Variants in SMARCB1 observed in about 807,000 individuals in gnomAD.
The protein encoded by SMARCB1 is SWI/SNF related BAF chromatin remodeling complex subunit B1.
Under a neutral mutation model 49.0 loss-of-function variants are expected in SMARCB1, and 5 were observed. That is an observed-to-expected ratio of 0.10 (90% confidence interval 0.05 to 0.21). The LOEUF (loss-of-function observed/expected upper bound fraction) is 0.21. SMARCB1 is among the 10% of genes least tolerant of loss of function. The pLI is 1.00. For synonymous variants in SMARCB1, 201 were observed against 200.1 expected, an observed-to-expected ratio of 1.00 and a Z score of -0.04; for missense variants, 226 against 509.2, an observed-to-expected ratio of 0.44 and a Z score of 5.35.
intron 6 of SMARCB1, among the ~76,000 whole-genome samples, chr22:23,820,018 C>T (rs116629952): frequency 0.014 from 2,150 of 151,956 alleles, 58 homozygotes; most frequent in African/African-American, 0.049. Flanking sequence ...TTAGTAGAGA[C>T]GGGGTCTCAT....
At chr22:23,796,391 G>T (rs1928748923) in intron 3 of SMARCB1, among the ~76,000 whole-genome samples, 1 of 152,170 alleles carries the variant, frequency 6.6e-6, no homozygotes, top group Non-Finnish European at 1.5e-5. Flanking sequence ...CCCGAGACGG[G>T]TCCTGTGGGT....
At position 23,834,203 on chromosome 22, in the gene SMARCB1, C is replaced by T. The variant is rs2146045637; in HGVS notation, c.*23C>T. On this transcript the variant is annotated 3_prime_UTR_variant, in exon 9 of 9. Transcript: ENST00000644036. ...TAACCAGCCCATCAGCACACGGCTC[C>T]CACGGAGCATCTCAGAAGATTGGGC... The T allele has an allele frequency of 6.3e-7, 1 of 1,576,742 alleles. No homozygotes were observed. Among genetic ancestry groups the T allele is most frequent in the South Asian group, 1.2e-5 (1 of 86,092 alleles).
At position 23,816,510 on chromosome 22, in the gene SMARCB1, G is replaced by C. The variant is rs2070456; in HGVS notation, c.629-260G>C. ...ATCTCATGCGCCCACCCAGCTATGA[G>C]TGGAATGAGGGAAGTGTTTATGGCC... On this transcript the variant is annotated intron_variant, in intron 5 of 8. Coordinates refer to ENST00000644036, the MANE Select transcript of SMARCB1 (RefSeq NM_003073.5). 266,626 of 594,908 alleles carry C rather than the reference G, an allele frequency of 0.45. 63,762 individuals carry two copies. Among genetic ancestry groups the C allele is most frequent in the Admixed American group, 0.53 (18,073 of 34,144 alleles). 36.9% of individuals were successfully genotyped at this position (594,908 alleles called of 1,614,324 possible).
chr22:23,792,128 G>A (rs1928420080), intron 2 of SMARCB1: 1 of 542,302 alleles, frequency 1.8e-6, no homozygotes. Flanking sequence ...GAGCGGGCCG[G>A]GGCCAGGACA....
At chr22:23,816,551 G>C in intron 5 of SMARCB1, 1 of 628,742 alleles carries the variant, frequency 1.6e-6, no homozygotes, top group South Asian at 1.8e-5. Context: ...CACCCCCAGG[G>C]CATGGAGCAG....
chr22:23,799,745 C>T (rs1170486719), intron 3 of SMARCB1, among the ~76,000 whole-genome samples: 3 of 135,942 alleles, frequency 2.2e-5, no homozygotes, highest in Non-Finnish European at 3.0e-5. Context: ...AGTGCAGTGG[C>T]GCAATGTTGG....
At chr22:23,817,346 C>T (rs1930258472) in intron 6 of SMARCB1, 1 of 298,372 alleles carries the variant, frequency 3.4e-6, no homozygotes, top group Non-Finnish European at 6.5e-6. Context: ...AAGTTGCAAA[C>T]TGGCCAGTTG....
intron 3 of SMARCB1, among the ~76,000 whole-genome samples, chr22:23,797,528 T>G (rs1329149506): frequency 6.7e-6 from 1 of 149,840 alleles, no homozygotes; most frequent in Non-Finnish European, 1.5e-5. Context: ...GCCAGGATGG[T>G]CTCGATTTCC....
chr22:23,837,301 C>T lies in SMARCB1; in HGVS notation c.*3121C>T. ...CCAAAGCCTTGCACAGAGTGCCAGC[C>T]CCGGGTTGGCCGTGAAGGACAAGCT... On this transcript the variant is annotated 3_prime_UTR_variant, in exon 9 of 9. Coordinates refer to ENST00000644036, the MANE Select transcript of SMARCB1 (RefSeq NM_003073.5). The T allele has an allele frequency of 9.3e-7, 1 of 1,074,444 alleles. No homozygotes were observed. The highest frequency in any genetic ancestry group is 1.4e-6 in the Non-Finnish European group (1 of 740,496). 66.6% of individuals were successfully genotyped at this position (1,074,444 alleles called of 1,614,324 possible).
intron 6 of SMARCB1, among the ~76,000 whole-genome samples, chr22:23,821,403 A>T (rs1377535706): frequency 6.6e-6 from 1 of 150,902 alleles, no homozygotes; most frequent in Non-Finnish European, 1.5e-5. Context: ...GACTCAGAAG[A>T]GCTGGGTATT....
At position 23,837,536 on chromosome 22, in the gene SMARCB1, TG is replaced by T; in HGVS notation, c.*3360del. The T allele has an allele frequency of 9.7e-7, 1 of 1,036,088 alleles. No individual in the cohort carries two copies. Among genetic ancestry groups the T allele is most frequent in the Non-Finnish European group, 1.4e-6 (1 of 718,344 alleles). The allele number at this position is 1,036,088 out of a possible 1,614,324, so 64.2% of individuals were successfully genotyped here. On this transcript the variant is annotated 3_prime_UTR_variant, in exon 9 of 9. Transcript: ENST00000644036. ...CACAGCAGCTGGGAGGGCAGGAAGA[TG>T]GGGATGGAGCCAGGTGTGAGGAGAA...
chr22:23,791,960 G>A (rs1043482742), intron 2 of SMARCB1, 66 bp downstream of exon 2: 20 of 1,549,366 alleles, frequency 1.3e-5, no homozygotes, highest in East Asian at 2.3e-5. Context: ...AAGATAAAAC[G>A]TTTTCACTCC....
In SMARCB1 at chr22:23,836,888, A is replaced by G. The variant is rs2146059343; in HGVS notation, c.*2708A>G. Reference sequence around the variant, plus strand: ...TGGGGGTCACTGCTGCGGGGGTGGCAGATGGGGTCCTGGCTGTTCCTCAGG... The same window carrying G: ...TGGGGGTCACTGCTGCGGGGGTGGCGGATGGGGTCCTGGCTGTTCCTCAGG... On this transcript the variant is annotated 3_prime_UTR_variant, in exon 9 of 9. Coordinates refer to ENST00000644036, the MANE Select transcript of SMARCB1 (RefSeq NM_003073.5). 1 of 1,480,102 alleles carries G rather than the reference A, an allele frequency of 6.8e-7. No individual in the cohort carries two copies. The highest frequency in any genetic ancestry group is 1.8e-4 in the Middle Eastern group (1 of 5,578). The allele number at this position is 1,480,102 out of a possible 1,614,324, so 91.7% of individuals were successfully genotyped here. A position where few individuals can be genotyped will look rare whatever the true frequency, so the allele number is the denominator to read the frequency against.
intron 6 of SMARCB1, chr22:23,824,929 CAG>C (rs2030297595): frequency 2.0e-6 from 1 of 511,014 alleles, no homozygotes; most frequent in East Asian, 3.5e-5. Flanking sequence ...CCCACCAGCA[CAG>C]GGCACAGGGG....
intron 5 of SMARCB1, 73 bp downstream of exon 5, chr22:23,803,495 GC>G: frequency 6.4e-7 from 1 of 1,560,388 alleles, no homozygotes; most frequent in Non-Finnish European, 8.8e-7. Flanking sequence ...CCCGTTTCCT[GC>G]CAGCTGCCTG....
At position 23,787,051 on chromosome 22, in the gene SMARCB1, G is replaced by A; in HGVS notation, c.-119G>A. On this transcript the variant is annotated 5_prime_UTR_variant, in exon 1 of 9. Coordinates refer to ENST00000644036, the MANE Select transcript of SMARCB1 (RefSeq NM_003073.5). ...GAGCCCGGCTGAGGCGCCAGTACCC[G>A]GCCCGGTCCGCATTTCGCCTTCCGG... 4.4e-6 allele frequency: 3 copies of A among 676,818 alleles called. No homozygotes were observed. Among genetic ancestry groups the A allele is most frequent in the Admixed American group, 2.4e-5 (1 of 41,664 alleles). The allele number at this position is 676,818 out of a possible 1,614,324, so 41.9% of individuals were successfully genotyped here.
rs533184210 is a variant in SMARCB1 at position 23,803,331 on chromosome 22, C to T, written c.537C>T (p.Asn179=). Residue 179 remains asparagine, a synonymous_variant, in exon 5 of 9, where the codon AAC becomes AAT. Transcript: ENST00000644036. ...ATGACCCAGCTGTGATCCATGAGAA[C>T]GCATCTCAGCCCGAGGTGCTGGTCC... ...DDHDPAVIHE[N]ASQPEVLVPI... 78 of 1,614,166 alleles carry T rather than the reference C, an allele frequency of 4.8e-5. No individual in the cohort carries two copies. The highest frequency in any genetic ancestry group is 1.1e-4 in the African/African-American group (8 of 75,066).
chr22:23,808,698 C>CT (rs533109746), intron 5 of SMARCB1, among the ~76,000 whole-genome samples: 1,698 of 140,638 alleles, frequency 0.012, 22 homozygotes, highest in African/African-American at 0.028. Flanking sequence ...ATTGGACATT[C>CT]TTTTTTTTTT....
At chr22:23,793,409 G>T in intron 2 of SMARCB1, 150 bp from the exon 3 acceptor site, 1 of 829,816 alleles carries the variant, frequency 1.2e-6, no homozygotes, top group Non-Finnish European at 2.1e-6. Context: ...TTGCCCTTTT[G>T]GAAGAGGCCA....
Sources: gnomAD v4.1 joint callset for allele counts (sites outside exome capture counted in the v4.1 genomes callset) on GRCh38, gnomAD v4.1.1 for gene constraint, MANE v1.5 for transcripts, NCBI Gene and HGNC (gene_info 2026-07-23, HGNC 2026-07-21) for gene names.